The following ZFHX3 variants were observed in gnomAD, a reference collection of about 807,000 sequenced individuals.
ZFHX3 encodes zinc finger homeobox protein 3.
In ZFHX3, 42 loss-of-function variants were observed where a neutral mutation model predicts 279.1. The ratio of observed to expected loss-of-function variants is 0.15; its 90% CI spans 0.12 to 0.19. ZFHX3 has a LOEUF of 0.19. ZFHX3 is among the 10% of genes least tolerant of loss of function. ZFHX3 has a pLI of 1.00. For synonymous variants in ZFHX3, 2,293 were observed against 1,957.8 expected (o/e 1.17, Z -4.52); for missense variants, 4,981 against 4,754.0 (o/e 1.05, Z -1.40).
chr16:73,496,538 C>G (rs560625126), intron 2 of ZFHX3, among the ~76,000 whole-genome samples: 1 of 152,068 alleles, frequency 6.6e-6, no homozygotes, highest in South Asian at 2.1e-4. Flanking sequence ...CTTAAACAAA[C>G]AAACAAAAAA....
At position 73,173,018 on chromosome 16, in the gene ZFHX3, T is replaced by G. The variant is rs1284085642; in HGVS notation, c.-1103-29187A>C. Among the ~76,000 whole-genome samples, 10 of 116,718 alleles carry G rather than the reference T, an allele frequency of 8.6e-5. 1 individual carries two copies. In the South Asian group the frequency reaches 2.1e-3, roughly 25 times the overall value. The allele number at this position is 116,718 out of a possible 152,430, so 76.6% of individuals were successfully genotyped here. On this transcript the variant is annotated intron_variant, in intron 5 of 17. Coordinates refer to the ZFHX3 transcript ENST00000641206. The stretch of plus-strand genomic sequence containing the variant: ...TTTGTTTTTTTTTTTGTTTTTTTTT[T>G]TTTTTTTTGGGAGGGGAAAAGAGAA...
intron 4 of ZFHX3, among the ~76,000 whole-genome samples, chr16:72,853,223 ACTGT>A (rs1375009960): frequency 1.3e-5 from 2 of 152,218 alleles, no homozygotes; most frequent in East Asian, 1.9e-4. Context: ...CTCTAAAAAG[ACTGT>A]CTGATCCAGG....
chr16:72,796,990 C>A lies in ZFHX3; in HGVS notation c.5692G>T (p.Gly1898Trp), dbSNP rs373169704. Residue 1898 changes from glycine (G) to tryptophan (W), a missense_variant, in exon 9 of 10, where the codon GGG (glycine) becomes TGG (tryptophan). Coordinates refer to ENST00000268489, the MANE Select transcript of ZFHX3 (RefSeq NM_006885.4). ...ESQRERDSAE[G>W]GEGNTGPKET... ...TTCGGACCGGTGTTGCCCTCTCCCC[C>A]CTCGGCGCTGTCCCTCTCTCTCTGG... The A allele has an allele frequency of 2.5e-5, 41 of 1,614,026 alleles. No homozygotes were observed. In the East Asian group the frequency reaches 3.8e-4, roughly 15 times the overall value.
At chr16:73,532,432 C>T (rs2019821985) in intron 2 of ZFHX3, among the ~76,000 whole-genome samples, 1 of 152,156 alleles carries the variant, frequency 6.6e-6, no homozygotes, top group African/African-American at 2.4e-5. Flanking sequence ...TCCATTAAAC[C>T]TCTTTTTCTT....
At chr16:73,044,233 A>C (rs1363175828) in intron 1 of ZFHX3, among the ~76,000 whole-genome samples, 1 of 152,118 alleles carries the variant, frequency 6.6e-6, no homozygotes, top group Non-Finnish European at 1.5e-5. Context: ...TTCTCATACC[A>C]GAGCATTTGG....
chr16:73,313,698 A>T (rs920404098), intron 4 of ZFHX3, among the ~76,000 whole-genome samples: 5 of 152,206 alleles, frequency 3.3e-5, no homozygotes, highest in African/African-American at 1.2e-4. Context: ...AATGGCACAA[A>T]CATGTACACA....
chr16:73,404,747 G>A (rs2017326030), intron 3 of ZFHX3, among the ~76,000 whole-genome samples: 2 of 152,180 alleles, frequency 1.3e-5, no homozygotes, highest in Non-Finnish European at 2.9e-5. Context: ...GTCCCCGCGA[G>A]CCCAGACCAC....
rs1466946236 is a variant in ZFHX3, at chr16:72,797,356, G to A, written c.5326C>T (p.Leu1776Phe). 4 of 1,600,252 alleles carry A rather than the reference G, an allele frequency of 2.5e-6. No homozygotes were observed. The highest frequency in any genetic ancestry group is 3.4e-6 in the Non-Finnish European group (4 of 1,172,862). The change falls in exon 9 of 10, where the codon CTC (leucine) becomes TTC (phenylalanine). Residue 1776 changes from leucine to phenylalanine, a missense_variant. Around this residue, in one of 7 missense-constraint regions of ZFHX3, gnomAD observed 1,751 missense variants for 1,770.0 expected, o/e 0.99. Transcript: ENST00000268489. The part of the protein sequence containing the change: ...LIQSQLFNPT[L>F]LPHFPMTTET... ...GTTGTCATGGGGAAGTGAGGAAGGAGGGTGGGGTTAAACAGCTGAGACTGG... is the reference window on the plus strand; with the variant it reads ...GTTGTCATGGGGAAGTGAGGAAGGAAGGTGGGGTTAAACAGCTGAGACTGG...
At chr16:73,272,037 T>C (rs1023060975) in intron 4 of ZFHX3, among the ~76,000 whole-genome samples, 8 of 152,198 alleles carry the variant, frequency 5.3e-5, no homozygotes, top group African/African-American at 1.9e-4. Flanking sequence ...AGGGAGGCTG[T>C]ATAACCATCT....
chr16:73,301,101 G>T (rs1019378771), intron 4 of ZFHX3, among the ~76,000 whole-genome samples: 2 of 152,218 alleles, frequency 1.3e-5, no homozygotes, highest in Non-Finnish European at 2.9e-5. Context: ...TTTTCCAGAA[G>T]TCTCAAATCT....
At chr16:72,819,681 C>T (rs949087597) in intron 5 of ZFHX3, among the ~76,000 whole-genome samples, 3 of 152,152 alleles carry the variant, frequency 2.0e-5, no homozygotes, top group African/African-American at 4.8e-5. Context: ...TCTGTCAGTC[C>T]ACTTTAAATG....
intron 4 of ZFHX3, among the ~76,000 whole-genome samples, chr16:73,299,316 A>C (rs1338258034): frequency 6.6e-6 from 1 of 152,200 alleles, no homozygotes; most frequent in African/African-American, 2.4e-5. Flanking sequence ...CTTGGAGTTC[A>C]TAAGAGGGTG....
intron 2 of ZFHX3, among the ~76,000 whole-genome samples, chr16:73,520,094 A>G (rs1487804111): frequency 6.6e-6 from 1 of 152,204 alleles, no homozygotes; most frequent in Non-Finnish European, 1.5e-5. Flanking sequence ...ATTTCACACC[A>G]GGCACTTTTT....
chr16:73,316,027 C>T (rs371384732), intron 4 of ZFHX3, among the ~76,000 whole-genome samples: 5 of 152,212 alleles, frequency 3.3e-5, no homozygotes, highest in East Asian at 1.9e-4. Flanking sequence ...ACCGCTGGCC[C>T]GCACTGGCCA....
At chr16:73,372,570 G>A (rs1007955022) in intron 3 of ZFHX3, among the ~76,000 whole-genome samples, 1 of 152,170 alleles carries the variant, frequency 6.6e-6, no homozygotes, top group Non-Finnish European at 1.5e-5. Flanking sequence ...CTTGCATCCT[G>A]TAATGAAGTT....
intron 3 of ZFHX3, among the ~76,000 whole-genome samples, chr16:72,928,063 G>A (rs1490206877): frequency 6.4e-5 from 9 of 140,804 alleles, no homozygotes; most frequent in African/African-American, 1.6e-4. Context: ...GCCAGGCAAC[G>A]GGTTTAACCA....
chr16:73,670,239 A>G (rs2052890088), intron 2 of ZFHX3, among the ~76,000 whole-genome samples: 1 of 152,200 alleles, frequency 6.6e-6, no homozygotes, highest in African/African-American at 2.4e-5. Flanking sequence ...CATCCAGCCC[A>G]AGTTTTTACA....
At chr16:73,192,638 C>T (rs538266194) in intron 5 of ZFHX3, among the ~76,000 whole-genome samples, 1 of 152,192 alleles carries the variant, frequency 6.6e-6, no homozygotes, top group African/African-American at 2.4e-5. Flanking sequence ...GTGCTAGGTC[C>T]AAGTGAGTGA....
At chr16:73,387,210 C>G (rs573535035) in intron 3 of ZFHX3, 5 of 152,326 alleles carry the variant, frequency 3.3e-5, no homozygotes, top group African/African-American at 1.2e-4. Flanking sequence ...TTCTGAAGTT[C>G]AGGTTCGCGA....
Sources: allele counts gnomAD v4.1 joint callset (sites outside exome capture counted in the v4.1 genomes callset), GRCh38; gene constraint gnomAD v4.1.1; regional missense constraint gnomAD v4.1.1; transcripts MANE v1.5; gene names NCBI Gene and HGNC (gene_info 2026-07-23, HGNC 2026-07-21).